The following SPATA6 variants were observed in gnomAD, a reference collection of about 807,000 sequenced individuals.
SPATA6 encodes spermatogenesis associated 6, also known as spermatogenesis-associated protein 6.
SPATA6 carries 56 observed loss-of-function variants against 65.3 expected under a neutral mutation model. The observed-to-expected ratio is 0.86, with a 90% CI of 0.69 to 1.07. SPATA6 has a LOEUF of 1.07. SPATA6 is among the 50% of genes least tolerant of loss of function. The pLI is 0.00. For missense variants in SPATA6, 590 were observed against 594.8 expected (o/e 0.99, Z 0.08); for synonymous variants, 199 against 213.2 (o/e 0.93, Z 0.58).
intron 3 of SPATA6, among the ~76,000 whole-genome samples, chr1:48,429,345 A>G (rs1654186821): frequency 6.6e-6 from 1 of 152,174 alleles, no homozygotes; most frequent in Non-Finnish European, 1.5e-5. Context: ...AAACAACTGC[A>G]TATACAGAGA....
chr1:48,309,589 T>C (rs900631528), intron 11 of SPATA6, among the ~76,000 whole-genome samples: 3 of 152,216 alleles, frequency 2.0e-5, no homozygotes, highest in African/African-American at 7.2e-5. Context: ...TGAATAACTA[T>C]ATTTAACATA....
At chr1:48,325,583 G>A in intron 11 of SPATA6, 3 of 926,586 alleles carry the variant, frequency 3.2e-6, no homozygotes, top group Non-Finnish European at 5.3e-6. Flanking sequence ...CTCCTCAATG[G>A]TAAAGGTGGA....
the SPATA6 span, among the ~76,000 whole-genome samples, chr1:48,276,574 C>T: frequency 3.3e-5 from 5 of 152,140 alleles, no homozygotes; most frequent in Non-Finnish European, 5.9e-5. Context: ...TTATTTCTGC[C>T]GTTACGTCCT....
intron 3 of SPATA6, chr1:48,435,932 T>C (rs1288177808): frequency 1.9e-6 from 3 of 1,569,160 alleles, no homozygotes; most frequent in Non-Finnish European, 2.6e-6. Context: ...AATAGATGGA[T>C]TTTTGTCACT....
chr1:48,424,769 T>A (rs1468088517), intron 3 of SPATA6, among the ~76,000 whole-genome samples: 2 of 152,248 alleles, frequency 1.3e-5, no homozygotes, highest in Non-Finnish European at 2.9e-5. Flanking sequence ...CATATGCCAG[T>A]CTGCCATTTG....
intron 11 of SPATA6, among the ~76,000 whole-genome samples, chr1:48,345,248 T>C (rs748696033): frequency 9.2e-5 from 14 of 152,094 alleles, no homozygotes; most frequent in Non-Finnish European, 1.9e-4. Flanking sequence ...GACTTTTGGC[T>C]AAATGATGAA....
chr1:48,278,173 C>T, the SPATA6 span, among the ~76,000 whole-genome samples: 1 of 152,140 alleles, frequency 6.6e-6, no homozygotes. Flanking sequence ...ACACCAAAAA[C>T]TCATCTGTAC....
chr1:48,313,343 C>A (rs1200567596), intron 11 of SPATA6, among the ~76,000 whole-genome samples: 5 of 152,198 alleles, frequency 3.3e-5, no homozygotes, highest in Non-Finnish European at 5.9e-5. Context: ...AACAGCTGAT[C>A]TCTTGGCAGA....
intron 1 of SPATA6, among the ~76,000 whole-genome samples, chr1:48,471,479 A>C (rs1197568236): frequency 6.6e-6 from 1 of 152,126 alleles, no homozygotes; most frequent in Non-Finnish European, 1.5e-5. Context: ...AGAATAAAGA[A>C]AGGCCCCTTC....
At chr1:48,396,559 C>A (rs1373308006) in intron 7 of SPATA6, among the ~76,000 whole-genome samples, 1 of 151,620 alleles carries the variant, frequency 6.6e-6, no homozygotes, top group Non-Finnish European at 1.5e-5. Context: ...GTAGTACATA[C>A]ATATAAGAGA....
intron 3 of SPATA6, among the ~76,000 whole-genome samples, chr1:48,443,269 G>T (rs1359779621): frequency 6.6e-6 from 1 of 152,120 alleles, no homozygotes; most frequent in Non-Finnish European, 1.5e-5. Flanking sequence ...CGAAAGTAAA[G>T]TTTGCTAAAA....
At chr1:48,262,850 T>C in the SPATA6 span, 1 of 152,190 alleles carries the variant, frequency 6.6e-6, no homozygotes, top group Non-Finnish European at 1.5e-5. Context: ...ATTTGAAAAG[T>C]CTAATTAAAG....
At chr1:48,451,354 C>T (rs1656553827) in intron 3 of SPATA6, among the ~76,000 whole-genome samples, 198 bp downstream of exon 3, 1 of 152,154 alleles carries the variant, frequency 6.6e-6, no homozygotes, top group South Asian at 2.1e-4. Context: ...GAATTCTCAG[C>T]CTCTCTGCAG....
chr1:48,443,142 A>C (rs977952016), intron 3 of SPATA6, among the ~76,000 whole-genome samples: 1 of 152,240 alleles, frequency 6.6e-6, no homozygotes, highest in African/African-American at 2.4e-5. Flanking sequence ...GCCAAACCTT[A>C]AAGTACTTAC....
At chr1:48,339,883 G>C (rs1646161728) in intron 11 of SPATA6, among the ~76,000 whole-genome samples, 1 of 151,908 alleles carries the variant, frequency 6.6e-6, no homozygotes, top group African/African-American at 2.4e-5. Context: ...AGCAATATAA[G>C]TCATGAATTT....
At chr1:48,412,244 T>C (rs756481027) in intron 4 of SPATA6, among the ~76,000 whole-genome samples, 1 of 152,174 alleles carries the variant, frequency 6.6e-6, no homozygotes, top group Non-Finnish European at 1.5e-5. Context: ...GAAATGAAAC[T>C]AGCCTCTATA....
In SPATA6 at chr1:48,365,427, A is replaced by G. The variant is rs922900587; in HGVS notation, c.910-5657T>C. On this transcript the variant is annotated intron_variant, in intron 9 of 12. Coordinates refer to ENST00000371847, the MANE Select transcript of SPATA6 (RefSeq NM_019073.4). ...TTCACGATATTGATTCTTCCTACCC[A>G]TGAGCATGGAATGTTCTTCCATTTG... 3.3e-5 allele frequency among the ~76,000 whole-genome samples: 5 copies of G among 152,278 alleles called. No homozygotes were observed. In the East Asian group the frequency reaches 5.8e-4, roughly 18 times the overall value.
chr1:48,403,780 A>T, intron 6 of SPATA6, 22 bp downstream of exon 6: 10 of 1,564,458 alleles, frequency 6.4e-6, no homozygotes, highest in Non-Finnish European at 8.7e-6. Flanking sequence ...ACCATTAAAT[A>T]CTTTATACAA....
chr1:48,366,329 C>G (rs1372037805), intron 9 of SPATA6, among the ~76,000 whole-genome samples: 3 of 152,080 alleles, frequency 2.0e-5, no homozygotes, highest in Non-Finnish European at 2.9e-5. Context: ...AGGGAGGATT[C>G]CCTCTTTTTC....
Sources: gnomAD v4.1 joint callset for allele counts (sites outside exome capture counted in the v4.1 genomes callset) on GRCh38, gnomAD v4.1.1 for gene constraint, MANE v1.5 for transcripts, NCBI Gene and HGNC (gene_info 2026-07-23, HGNC 2026-07-21) for gene names.